The following PLXNC1 variants were observed in gnomAD, a reference collection of about 807,000 sequenced individuals.
PLXNC1 encodes the protein plexin-C1.
In PLXNC1, 75 loss-of-function variants were observed where a neutral mutation model predicts 178.2. The ratio of observed to expected loss-of-function variants is 0.42; its 90% CI spans 0.35 to 0.51. PLXNC1 has a LOEUF of 0.51. Ranked by LOEUF, PLXNC1 falls within the 20% of genes least tolerant of loss-of-function variation. The pLI is 0.02. For missense variants in PLXNC1, 1,503 were observed against 1,984.4 expected (o/e 0.76, Z 4.61); for synonymous variants, 790 against 779.9 (o/e 1.01, Z -0.22).
chr12:94,262,721 C>T (rs1007058276), intron 20 of PLXNC1: 5 of 985,430 alleles, frequency 5.1e-6, no homozygotes, highest in African/African-American at 3.5e-5. Context: ...CCTGTCCTAC[C>T]CCACAGACGT....
At chr12:94,171,676 T>C (rs746691827) in intron 2 of PLXNC1, among the ~76,000 whole-genome samples, 30 of 152,174 alleles carry the variant, frequency 2.0e-4, no homozygotes, top group Admixed American at 5.2e-4. Flanking sequence ...GACATGCAGA[T>C]AGGGTTCCAT....
chr12:94,192,833 G>A (rs1450477065), intron 4 of PLXNC1, among the ~76,000 whole-genome samples: 1 of 152,182 alleles, frequency 6.6e-6, no homozygotes, highest in African/African-American at 2.4e-5. Flanking sequence ...TGGCAAAAAT[G>A]TAGTGTGGGT....
At chr12:94,172,430 A>G (rs1961880519) in intron 2 of PLXNC1, among the ~76,000 whole-genome samples, 2 of 152,194 alleles carry the variant, frequency 1.3e-5, no homozygotes, top group African/African-American at 2.4e-5. Context: ...GTGAGTTTTA[A>G]TATAATTTGG....
At chr12:94,220,790 G>A (rs1342082982) in intron 6 of PLXNC1, among the ~76,000 whole-genome samples, 4 of 152,204 alleles carry the variant, frequency 2.6e-5, no homozygotes, top group Admixed American at 1.3e-4. Flanking sequence ...GCTTCCTGGA[G>A]GAAGTGATGT....
rs568062335 is a variant in PLXNC1 at position 94,172,526 on chromosome 12, G to A, written c.1203+3233G>A. ...TCATGTAAAAAGTTGCAGAGTCGTC[G>A]GGGGTGAGAGGACAACAAAGAAAAA... On this transcript the variant is annotated intron_variant, in intron 2 of 30. Coordinates refer to ENST00000258526, the MANE Select transcript of PLXNC1 (RefSeq NM_005761.3). Among the ~76,000 whole-genome samples the A allele has an allele frequency of 2.6e-5, 4 of 152,174 alleles. No homozygotes were observed. In the South Asian group the frequency reaches 6.2e-4, roughly 24 times the overall value.
chr12:94,197,610 G>A (rs891422268), intron 4 of PLXNC1, among the ~76,000 whole-genome samples: 3 of 152,136 alleles, frequency 2.0e-5, no homozygotes, highest in African/African-American at 7.2e-5. Context: ...TTCCCAGTTA[G>A]TAGTATTCTG....
rs564833798 is a variant in PLXNC1, at chr12:94,226,605, A to G, written c.1791A>G (p.Glu597=). The stretch of plus-strand genomic sequence containing the variant: ...TTAAGTCAGTTTTCTGTGTTGCTAG[A>G]TGCCCAGCATGCGTAGAAACTGGCT... ...FNFTNCSSLK[E]CPACVETGCA... Residue 597 remains glutamate, a splice_region_variant and synonymous_variant, in exon 8 of 31, where the codon GAA becomes GAG. Coordinates refer to ENST00000258526, the MANE Select transcript of PLXNC1 (RefSeq NM_005761.3). The G allele has an allele frequency of 3.1e-6, 5 of 1,609,650 alleles. No individual in the cohort carries two copies. The Admixed American group carries it at 5.0e-5, about 16-fold the overall frequency.
intron 10 of PLXNC1, among the ~76,000 whole-genome samples, chr12:94,239,804 T>G (rs1056167895): frequency 6.6e-6 from 1 of 152,228 alleles, no homozygotes; most frequent in African/African-American, 2.4e-5. Context: ...GCCCCAATGC[T>G]GATTGATTCT....
At chr12:94,171,267 T>G (rs527500157) in intron 2 of PLXNC1, among the ~76,000 whole-genome samples, 71 of 152,306 alleles carry the variant, frequency 4.7e-4, no homozygotes, top group African/African-American at 1.6e-3. Flanking sequence ...AGTCTCGCTC[T>G]CCTCAGGATC....
rs1314544682 is a variant in PLXNC1 at position 94,149,320 on chromosome 12, G to A, written c.349G>A (p.Ala117Thr). 1.4e-6 allele frequency: 2 copies of A among 1,447,378 alleles called. No homozygotes were observed. Among genetic ancestry groups the A allele is most frequent in the South Asian group, 1.4e-5 (1 of 70,566 alleles). The allele number at this position is 1,447,378 out of a possible 1,614,324, so 89.7% of individuals were successfully genotyped here. The change falls in exon 1 of 31, where the codon GCC (alanine) becomes ACC (threonine). Residue 117 changes from alanine to threonine, a missense_variant. Coordinates refer to ENST00000258526, the MANE Select transcript of PLXNC1 (RefSeq NM_005761.3). ...KLLLPYREGAAGLGGLLLTGW... is the reference protein window; with the variant it reads ...KLLLPYREGATGLGGLLLTGW... Reference sequence around the variant, plus strand: ...GCTGCTGCCCTACCGCGAGGGGGCGGCCGGCCTCGGGGGGCTGCTGCTCAC... The same window carrying A: ...GCTGCTGCCCTACCGCGAGGGGGCGACCGGCCTCGGGGGGCTGCTGCTCAC...
chr12:94,248,109 A>G lies in PLXNC1; in HGVS notation c.2592+3A>G. On this transcript the variant is annotated splice_donor_region_variant and intron_variant, in intron 13 of 30. Transcript: ENST00000258526. ...CAGAACTGGAAGTGAAAATTCAAGT[A>G]TGTTTCTTTTCTTTCTGGGTGGGAT... 6.2e-7 allele frequency: 1 copy of G among 1,613,712 alleles called. No individual in the cohort carries two copies. Among genetic ancestry groups the G allele is most frequent in the East Asian group, 2.2e-5 (1 of 44,868 alleles).
chr12:94,215,379 C>T (rs1259750406), intron 5 of PLXNC1, among the ~76,000 whole-genome samples: 1 of 152,120 alleles, frequency 6.6e-6, no homozygotes, highest in Admixed American at 6.6e-5. Context: ...ACTTCTTCCT[C>T]ACCTATTTTT....
Position 94,259,700 on chromosome 12 carries a change from C to G in PLXNC1, c.3217C>G (p.Leu1073Val), listed in dbSNP as rs1203752467. Residue 1073 changes from leucine to valine, a missense_variant, in exon 19 of 31, where the codon CTT (leucine) becomes GTT (valine). Around this residue, in one of 4 missense-constraint regions of PLXNC1, gnomAD observed 639 missense variants for 979.7 expected, o/e 0.65. Coordinates refer to ENST00000258526, the MANE Select transcript of PLXNC1 (RefSeq NM_005761.3). ...KSFLVTVIHT[L>V]EKQKNFSVKD... ...CTTTCTTGTTACTGTCATCCACACC[C>G]TTGAAAAGCAGAAGAACTTTTCTGT... 1.2e-6 allele frequency: 2 copies of G among 1,611,844 alleles called. No individual in the cohort carries two copies. The highest frequency in any genetic ancestry group is 3.3e-4 in the Middle Eastern group (2 of 6,054).
chr12:94,294,665 T>C, intron 24 of PLXNC1, 125 bp downstream of exon 24: 2 of 574,542 alleles, frequency 3.5e-6, no homozygotes, highest in Non-Finnish European at 6.5e-6. Context: ...TCTCTGAAAG[T>C]TGAGAAAAGT....
At chr12:94,261,870 A>AT (rs914088020) in intron 20 of PLXNC1, among the ~76,000 whole-genome samples, 23 of 151,206 alleles carry the variant, frequency 1.5e-4, no homozygotes, top group Admixed American at 2.6e-4. Context: ...ATGCACAACA[A>AT]TTTTTTTTTT....
chr12:94,253,042 C>T (rs1220602170), intron 15 of PLXNC1, among the ~76,000 whole-genome samples: 1 of 151,848 alleles, frequency 6.6e-6, no homozygotes, highest in Non-Finnish European at 1.5e-5. Flanking sequence ...GAAACCCTGT[C>T]TCTACTAAAA....
intron 4 of PLXNC1, among the ~76,000 whole-genome samples, chr12:94,202,317 A>G (rs1963160881): frequency 6.6e-6 from 1 of 152,234 alleles, no homozygotes; most frequent in Non-Finnish European, 1.5e-5. Context: ...TGCAGTTCCT[A>G]GTGGAGTGTT....
intron 9 of PLXNC1, among the ~76,000 whole-genome samples, chr12:94,229,176 G>A (rs1479090238): frequency 6.6e-6 from 1 of 152,142 alleles, no homozygotes; most frequent in African/African-American, 2.4e-5. Flanking sequence ...GCATCTTTGT[G>A]TATGCTTGCT....
rs2230757 is a variant in PLXNC1 at position 94,251,479 on chromosome 12, A to G, written c.2832A>G (p.Thr944=). Residue 944 remains threonine (T), a synonymous_variant, in exon 15 of 31, where the codon ACA becomes ACG. Transcript: ENST00000258526. ...TCGAGCAGGAGTCAGTTCCTTCCAC[A>G]TGGTATTTTCTGATTGTGCTCCCTG... ...LYVEQESVPS[T]WYFLIVLPVL... is the part of the protein sequence containing the mutation. 0.57 allele frequency: 914,549 copies of G among 1,610,894 alleles called. 262,833 individuals are homozygous for G. The highest frequency in any genetic ancestry group is 0.76 in the East Asian group (34,299 of 44,842).
Sources: allele counts gnomAD v4.1 joint callset (sites outside exome capture counted in the v4.1 genomes callset), GRCh38; gene constraint gnomAD v4.1.1; regional missense constraint gnomAD v4.1.1; transcripts MANE v1.5; gene names NCBI Gene and HGNC (gene_info 2026-07-23, HGNC 2026-07-21).